The following ZC3H14 variants were observed in gnomAD, a reference collection of about 807,000 sequenced individuals.
ZC3H14 encodes zinc finger CCCH domain-containing protein 14.
Under a neutral mutation model 92.4 loss-of-function variants are expected in ZC3H14, and 31 were observed. That is an observed-to-expected ratio of 0.34 (90% CI 0.25 to 0.45). The LOEUF is 0.45. ZC3H14 is among the 20% of genes least tolerant of loss of function. The pLI, the probability that ZC3H14 is intolerant of heterozygous loss-of-function variation, is 1.00. For synonymous variants in ZC3H14, 321 were observed against 300.9 expected, an observed-to-expected ratio of 1.07 and a Z score of -0.69; for missense variants, 781 against 897.3, an observed-to-expected ratio of 0.87 and a Z score of 1.66.
At chr14:88,574,575 T>TA (rs769639601) in intron 6 of ZC3H14, 118 bp from the exon 7 acceptor site, 44 of 1,286,974 alleles carry the variant, frequency 3.4e-5, no homozygotes, top group Non-Finnish European at 4.6e-5. Flanking sequence ...AACCAAGAAA[T>TA]ACTCTGTGAA....
At chr14:88,585,689 C>T (rs967954318) in intron 9 of ZC3H14, among the ~76,000 whole-genome samples, 3 of 152,092 alleles carry the variant, frequency 2.0e-5, no homozygotes, top group Non-Finnish European at 4.4e-5. Context: ...CATGCTTGGC[C>T]TCATTTCTGT....
intron 9 of ZC3H14, among the ~76,000 whole-genome samples, chr14:88,593,326 CA>C (rs1273595776): frequency 6.6e-6 from 1 of 152,172 alleles, no homozygotes; most frequent in Non-Finnish European, 1.5e-5. Flanking sequence ...GGATTCAACT[CA>C]ATCCCTGTTT....
In ZC3H14 at chr14:88,618,821, A is replaced by G. The variant is rs1355936950; in HGVS notation, c.*7070A>G. ...GGGAATCCGGACTAAATCTGAATCAAAACAAAACGTAAAAAGTATTAGACC... is the reference window on the plus strand; with the variant it reads ...GGGAATCCGGACTAAATCTGAATCAGAACAAAACGTAAAAAGTATTAGACC... On this transcript the variant is annotated 3_prime_UTR_variant, in exon 17 of 17. Coordinates refer to ENST00000251038, the MANE Select transcript of ZC3H14 (RefSeq NM_024824.5). 6.4e-7 allele frequency: 1 copy of G among 1,565,096 alleles called. No homozygotes were observed.
chr14:88,563,545 G>T (rs903298292), intron 1 of ZC3H14, 106 bp from the exon 2 acceptor site: 7 of 1,580,646 alleles, frequency 4.4e-6, no homozygotes, highest in African/African-American at 4.0e-5. Flanking sequence ...CCGCCCGGGG[G>T]ATCCGAGGTG....
intron 9 of ZC3H14, chr14:88,589,309 T>G (rs576724278): frequency 6.6e-6 from 1 of 152,200 alleles, no homozygotes; most frequent in African/African-American, 2.4e-5. Flanking sequence ...ATTAAAAATA[T>G]TAAAATTTTG....
chr14:88,577,371 C>T (rs756409959), intron 8 of ZC3H14, among the ~76,000 whole-genome samples: 1 of 152,096 alleles, frequency 6.6e-6, no homozygotes. Flanking sequence ...CATATAAGAT[C>T]ATGAAGCTAA....
Position 88,607,335 on chromosome 14 carries a change from G to T in ZC3H14, c.1840G>T (p.Ala614Ser). ...WPACKNGDEC[A>S]YHHPISPCKA... ...TGCTTGTAAAAATGGGGATGAGTGT[G>T]CCTACCATCACCCCATCTCACCCTG... Residue 614 changes from alanine to serine, a missense_variant, in exon 13 of 17, where the codon GCC (alanine) becomes TCC (serine). Coordinates refer to ENST00000251038, the MANE Select transcript of ZC3H14 (RefSeq NM_024824.5). 6.2e-7 allele frequency: 1 copy of T among 1,613,712 alleles called. No individual in the cohort carries two copies. Among genetic ancestry groups the T allele is most frequent in the Non-Finnish European group, 8.5e-7 (1 of 1,179,892 alleles).
chr14:88,611,673 T>G, intron 16 of ZC3H14, 72 bp from the exon 17 acceptor site: 1 of 1,587,036 alleles, frequency 6.3e-7, no homozygotes, highest in South Asian at 1.1e-5. Context: ...AGTCAACTTT[T>G]TAAACTGAGA....
In ZC3H14 at chr14:88,618,422, T is replaced by G. The variant is rs1417781845; in HGVS notation, c.*6671T>G. ...TACAGAATACTAGCATATTGCTACT[T>G]GATTTACATGTCTAACATTATTAAG... On this transcript the variant is annotated 3_prime_UTR_variant, in exon 17 of 17. Transcript: ENST00000251038. The G allele has an allele frequency of 1.7e-6, 2 of 1,187,764 alleles. No homozygotes were observed. The highest frequency in any genetic ancestry group is 2.4e-6 in the Non-Finnish European group (2 of 818,154). The allele number at this position is 1,187,764 out of a possible 1,614,324, so 73.6% of individuals were successfully genotyped here.
rs572744148 is a variant in ZC3H14 at position 88,605,579 on chromosome 14, C to G, written c.1748-1664C>G. 1.2e-3 allele frequency among the ~76,000 whole-genome samples: 182 copies of G among 152,292 alleles called. 1 individual carries two copies. The Middle Eastern group carries it at 0.017, about 14-fold the overall frequency. ...AAACTCCTGAGCTCAAGTGATCTGC[C>G]CGCCTCGGCCTCCCAAAGTGCTGGG... On this transcript the variant is annotated intron_variant, in intron 12 of 16. Transcript: ENST00000251038.
chr14:88,576,747 AC>A (rs201444148), intron 8 of ZC3H14, among the ~76,000 whole-genome samples: 2 of 151,146 alleles, frequency 1.3e-5, no homozygotes, highest in Non-Finnish European at 3.0e-5. Flanking sequence ...TTTTTTTGTG[AC>A]CCCCCTTCCT....
At position 88,615,107 on chromosome 14, in the gene ZC3H14, T is replaced by C. The variant is rs909233044; in HGVS notation, c.*3356T>C. On this transcript the variant is annotated 3_prime_UTR_variant, in exon 17 of 17. Transcript: ENST00000251038. Reference sequence around the variant, plus strand: ...AGTGAGGCTACAGTTATGTTTTAAATGTGCGATTACAGAGATGGCATCTGA... The same window carrying C: ...AGTGAGGCTACAGTTATGTTTTAAACGTGCGATTACAGAGATGGCATCTGA... The C allele has an allele frequency of 1.3e-5, 2 of 152,202 alleles. No homozygotes were observed. Among genetic ancestry groups the C allele is most frequent in the Admixed American group, 6.5e-5 (1 of 15,280 alleles). 9.4% of individuals were successfully genotyped at this position (152,202 alleles called of 1,614,324 possible).
intron 9 of ZC3H14, chr14:88,594,670 A>G (rs2139962246): frequency 1.2e-6 from 2 of 1,612,030 alleles, no homozygotes; most frequent in Admixed American, 1.7e-5. Context: ...AGAAAAAATT[A>G]TCAGATTTTA....
intron 4 of ZC3H14, 26 bp from the exon 5 acceptor site, chr14:88,572,004 T>G (rs2080479928): frequency 6.5e-7 from 1 of 1,542,142 alleles, no homozygotes; most frequent in Non-Finnish European, 8.8e-7. Context: ...AAAAATAGAT[T>G]AAAAGGACTG....
rs1019352075 is a variant in ZC3H14, at chr14:88,625,271, C to G, written c.*13520C>G. ...TGTAGTGGCAGCAGCACTGAATTCA[C>G]GAGTCAGGAAACCTGAACGGGAGGC... On this transcript the variant is annotated 3_prime_UTR_variant, in exon 17 of 17. Coordinates refer to ENST00000251038, the MANE Select transcript of ZC3H14 (RefSeq NM_024824.5). 4.5e-5 allele frequency: 42 copies of G among 936,398 alleles called. No homozygotes were observed. The African/African-American group carries it at 6.6e-4, about 15-fold the overall frequency. The allele number at this position is 936,398 out of a possible 1,614,324, so 58.0% of individuals were successfully genotyped here.
At chr14:88,565,951 T>G (rs897859790) in intron 2 of ZC3H14, among the ~76,000 whole-genome samples, 1 of 138,040 alleles carries the variant, frequency 7.2e-6, no homozygotes, top group Admixed American at 8.1e-5. Context: ...CACTGCAACC[T>G]CCGCCTCCCA....
Position 88,587,498 on chromosome 14 carries a change from G to A in ZC3H14, c.1280-9236G>A, listed in dbSNP as rs60749895. Among the ~76,000 whole-genome samples, 917 of 151,990 alleles carry A rather than the reference G, an allele frequency of 6.0e-3. 16 individuals are homozygous for A. Among genetic ancestry groups the A allele is most frequent in the East Asian group, 0.024 (122 of 5,176 alleles). The stretch of plus-strand genomic sequence containing the variant: ...CAAGTCTTATATTTTCTTTCTTGCC[G>A]CCACCTACATTCTGTCCTGCCTCCA... On this transcript the variant is annotated intron_variant, in intron 9 of 16. Transcript: ENST00000251038.
intron 9 of ZC3H14, among the ~76,000 whole-genome samples, chr14:88,582,901 T>C (rs1190624266): frequency 6.6e-6 from 1 of 152,156 alleles, no homozygotes; most frequent in Non-Finnish European, 1.5e-5. Context: ...GTTAATTTTT[T>C]TTCTTCTTTT....
In ZC3H14 at chr14:88,620,120, A is replaced by G. The variant is rs1219223166; in HGVS notation, c.*8369A>G. 3.9e-5 allele frequency: 6 copies of G among 152,226 alleles called. No homozygotes were observed. The highest frequency in any genetic ancestry group is 1.4e-4 in the African/African-American group (6 of 41,460). 9.4% of individuals were successfully genotyped at this position (152,226 alleles called of 1,614,324 possible). On this transcript the variant is annotated 3_prime_UTR_variant, in exon 17 of 17. Coordinates refer to ENST00000251038, the MANE Select transcript of ZC3H14 (RefSeq NM_024824.5). The surrounding 1 kb of genome is among the most constrained non-coding windows in gnomAD (Gnocchi z 4.3). ...AGGGAAGCCACTGTTACTATTTTAT[A>G]TATTGAAGTTCTGAGGAAGGTTTCA...
Sources: allele counts gnomAD v4.1 joint callset (sites outside exome capture counted in the v4.1 genomes callset), GRCh38; gene constraint gnomAD v4.1.1; non-coding constraint Gnocchi (gnomAD v3.1); transcripts MANE v1.5; gene names NCBI Gene and HGNC (gene_info 2026-07-23, HGNC 2026-07-21).